Variants in LRCH1 observed in about 807,000 individuals in gnomAD.
The protein encoded by LRCH1 is leucine-rich repeat and calponin homology domain-containing protein 1.
In LRCH1, 23 loss-of-function variants were observed where a neutral mutation model predicts 94.9. The observed-to-expected ratio is 0.24, with a 90% CI of 0.17 to 0.34. The LOEUF is 0.34. Ranked by LOEUF, LRCH1 falls within the 10% of genes least tolerant of loss-of-function variation. LRCH1 has a pLI of 1.00. For missense variants in LRCH1, 790 were observed against 945.9 expected (o/e 0.84, Z 2.16); for synonymous variants, 364 against 354.9 (o/e 1.03, Z -0.29).
At chr13:46,637,992 A>G (rs540102006) in intron 1 of LRCH1, among the ~76,000 whole-genome samples, 147 of 152,358 alleles carry the variant, frequency 9.6e-4, no homozygotes, top group African/African-American at 3.4e-3. Flanking sequence ...TGTAGGCTTC[A>G]TTTGAAATTT....
At chr13:46,748,666 T>C (rs1320227737), downstream of LRCH1, among the ~76,000 whole-genome samples, 3 of 152,222 alleles carry the variant, frequency 2.0e-5, no homozygotes, top group Non-Finnish European at 4.4e-5. Flanking sequence ...TCCCCCATCC[T>C]TTCTCAGGTT....
chr13:46,699,689 A>G (rs777186139), intron 10 of LRCH1, among the ~76,000 whole-genome samples: 14 of 152,166 alleles, frequency 9.2e-5, no homozygotes, highest in Non-Finnish European at 1.8e-4. Flanking sequence ...TGGAGGTTCT[A>G]CCATCCATAC....
At chr13:46,635,660 A>G (rs1236512954) in intron 1 of LRCH1, among the ~76,000 whole-genome samples, 1 of 151,496 alleles carries the variant, frequency 6.6e-6, no homozygotes, top group African/African-American at 2.4e-5. Context: ...TTTAGTAGAG[A>G]CGGGGTTTCA....
chr13:46,610,759 A>G (rs2050739562), intron 1 of LRCH1, among the ~76,000 whole-genome samples: 1 of 152,252 alleles, frequency 6.6e-6, no homozygotes, highest in South Asian at 2.1e-4. Flanking sequence ...TGCTGGTTCC[A>G]TATTTTTGCA....
chr13:46,718,374 C>T (rs1423272927), intron 16 of LRCH1, among the ~76,000 whole-genome samples: 1 of 152,154 alleles, frequency 6.6e-6, no homozygotes, highest in African/African-American at 2.4e-5. Flanking sequence ...AATGAAGAAA[C>T]TGAGGATATA....
intron 17 of LRCH1, among the ~76,000 whole-genome samples, 174 bp downstream of exon 17, chr13:46,723,504 C>T (rs1872681310): frequency 1.3e-5 from 2 of 152,152 alleles, no homozygotes; most frequent in Non-Finnish European, 2.9e-5. Flanking sequence ...TCTTTGTATA[C>T]TAAAAAAATG....
intron 1 of LRCH1, among the ~76,000 whole-genome samples, chr13:46,611,743 G>C (rs1237688400): frequency 6.6e-6 from 1 of 152,132 alleles, no homozygotes; most frequent in Non-Finnish European, 1.5e-5. Flanking sequence ...TATTTGTTGA[G>C]ATGATAATAT....
chr13:46,553,762 G>C lies in LRCH1; in HGVS notation c.307+59G>C, dbSNP rs948432706. 1.3e-4 allele frequency: 210 copies of C among 1,582,500 alleles called. 4 individuals are homozygous for C. The South Asian group carries it at 1.5e-3, about 11-fold the overall frequency. On this transcript the variant is annotated intron_variant, in intron 1 of 19. Transcript: ENST00000389797. ...GGTGCTGTCTGGGTGTCTGTCGTGC[G>C]TTCCCTAACGCGGTGGACAGTCGGA...
chr13:46,703,215 C>A (rs752840791), intron 11 of LRCH1, among the ~76,000 whole-genome samples: 1 of 152,126 alleles, frequency 6.6e-6, no homozygotes, highest in African/African-American at 2.4e-5. Context: ...GGCATGTGCA[C>A]CCGTGTACAT....
rs2051521593 is a variant in LRCH1 at position 46,666,747 on chromosome 13, C to T, written c.453-2283C>T. Among the ~76,000 whole-genome samples the T allele has an allele frequency of 2.0e-5, 3 of 152,260 alleles. 1 individual carries two copies. The South Asian group carries it at 6.2e-4, about 32-fold the overall frequency. On this transcript the variant is annotated intron_variant, in intron 2 of 19. Transcript: ENST00000389797. ...GTTACATTTCAAATTATTTGCTTGC[C>T]ACCTTTTAATAAACTGAGTTCTCTT...
intron 5 of LRCH1, among the ~76,000 whole-genome samples, chr13:46,687,295 AT>A (rs1194037163): frequency 6.6e-6 from 1 of 152,210 alleles, no homozygotes; most frequent in Non-Finnish European, 1.5e-5. Flanking sequence ...GGAAAATGGA[AT>A]TTAAACACCT....
chr13:46,716,835 G>C (rs936016169), intron 16 of LRCH1, among the ~76,000 whole-genome samples: 3 of 151,824 alleles, frequency 2.0e-5, no homozygotes, highest in Admixed American at 1.3e-4. Context: ...ATACCATCCA[G>C]TTGTAAATTT....
chr13:46,710,981 T>C (rs9590981), intron 13 of LRCH1, among the ~76,000 whole-genome samples: 24,644 of 151,972 alleles, frequency 0.16, 2,122 homozygotes, highest in South Asian at 0.23. Flanking sequence ...ACTGTCTCTG[T>C]GGACCATCTG....
chr13:46,747,741 ATT>A (rs111283853), downstream of LRCH1, among the ~76,000 whole-genome samples: 3 of 144,562 alleles, frequency 2.1e-5, no homozygotes, highest in Admixed American at 1.4e-4. Context: ...ATGCTTTGTA[ATT>A]TTTTTTTTTT....
chr13:46,604,275 G>A (rs1052087166), intron 1 of LRCH1, among the ~76,000 whole-genome samples: 1 of 152,166 alleles, frequency 6.6e-6, no homozygotes, highest in Non-Finnish European at 1.5e-5. Flanking sequence ...AACTGGGGTG[G>A]GGATGGTGAG....
chr13:46,584,775 G>A (rs1231744907), intron 1 of LRCH1, among the ~76,000 whole-genome samples: 1 of 152,112 alleles, frequency 6.6e-6, no homozygotes. Context: ...ATTTCAGTCT[G>A]ATGACAGTTT....
rs183184855 is a variant in LRCH1 at position 46,742,070 on chromosome 13, C to T, written c.*222C>T. On this transcript the variant is annotated 3_prime_UTR_variant, in exon 20 of 20. Coordinates refer to ENST00000389797, the MANE Select transcript of LRCH1 (RefSeq NM_001164211.2). ...CTCACTTACTGAAATACAACGACGA[C>T]GACTGCAAAGTGTATGCACACCGCA... The T allele has an allele frequency of 2.6e-5, 37 of 1,396,884 alleles. No homozygotes were observed. The highest frequency in any genetic ancestry group is 2.6e-4 in the South Asian group (17 of 64,834). The allele number at this position is 1,396,884 out of a possible 1,614,324, so 86.5% of individuals were successfully genotyped here. A position where few individuals can be genotyped will look rare whatever the true frequency, so the allele number is the denominator to read the frequency against.
chr13:46,608,003 A>G (rs150408663), intron 1 of LRCH1, among the ~76,000 whole-genome samples: 1 of 152,256 alleles, frequency 6.6e-6, no homozygotes, highest in Non-Finnish European at 1.5e-5. Context: ...TTGCAGCCAG[A>G]GTTTACCGGT....
At chr13:46,676,132 G>T (rs922143836) in intron 3 of LRCH1, among the ~76,000 whole-genome samples, 3 of 152,098 alleles carry the variant, frequency 2.0e-5, no homozygotes, top group African/African-American at 7.2e-5. Context: ...ATGGTGGCAT[G>T]CACCTGTAAT....
Sources: gnomAD v4.1 joint callset for allele counts (sites outside exome capture counted in the v4.1 genomes callset) on GRCh38, gnomAD v4.1.1 for gene constraint, MANE v1.5 for transcripts, NCBI Gene and HGNC (gene_info 2026-07-23, HGNC 2026-07-21) for gene names.